Variants in SV2B observed in about 807,000 individuals in gnomAD.
The protein encoded by SV2B is synaptic vesicle glycoprotein 2B.
A neutral mutation model predicts 73.9 loss-of-function variants in SV2B; 41 were observed. That is an observed-to-expected ratio of 0.56 (90% confidence interval 0.43 to 0.72). The LOEUF (loss-of-function observed/expected upper bound fraction) is 0.72. Among genes scored for constraint, SV2B ranks in the 30% least tolerant of loss-of-function variants. SV2B has a pLI of 0.00. For missense variants in SV2B, 764 were observed against 857.8 expected (o/e 0.89, Z 1.37); for synonymous variants, 314 against 314.2 (o/e 1.00, Z 0.01).
chr15:91,263,165 CAGACACACAGACACAG>C (rs1415502479), intron 6 of SV2B, among the ~76,000 whole-genome samples: 8 of 151,498 alleles, frequency 5.3e-5, no homozygotes, highest in East Asian at 1.9e-4. Flanking sequence ...CACATGAACA[CAGACACACAGACACAG>C]AGACACACAG....
intron 9 of SV2B, among the ~76,000 whole-genome samples, chr15:91,273,442 G>T (rs1021999917): frequency 1.3e-5 from 2 of 152,212 alleles, no homozygotes; most frequent in African/African-American, 2.4e-5. Flanking sequence ...CATGGTTCTT[G>T]TGGAGCATCT....
rs925944126 is a variant in SV2B, at chr15:91,289,052, T to G, written c.1709-469T>G. Among the ~76,000 whole-genome samples, 9 of 152,228 alleles carry G rather than the reference T, an allele frequency of 5.9e-5. No individual in the cohort carries two copies. Among genetic ancestry groups the G allele is most frequent in the African/African-American group, 2.2e-4 (9 of 41,462 alleles). ...CTCATCTGTTGATGGCCACTTAGGT[T>G]GACTCCATATTTTGACTATTGTGAA... On this transcript the variant is annotated intron_variant, in intron 11 of 12. Transcript: ENST00000394232. The surrounding 1 kb of genome is among the most constrained non-coding windows in gnomAD (Gnocchi z 4.9).
chr15:91,118,463 G>A lies in SV2B; in HGVS notation c.-392+18100G>A, dbSNP rs1453127340. On this transcript the variant is annotated intron_variant, in intron 1 of 12. Transcript: ENST00000394232. This position sits in a 1 kb window ranked among gnomAD's most constrained non-coding sequence, Gnocchi z 4.7. ...CATTTTTTCCTTTGCATTCATTGAG[G>A]GCTTGGGAAGGTACAGAAAGCTCCA... 6.6e-6 allele frequency among the ~76,000 whole-genome samples: 1 copy of A among 152,212 alleles called. No homozygotes were observed. Among genetic ancestry groups the A allele is most frequent in the Non-Finnish European group, 1.5e-5 (1 of 68,044 alleles).
Position 91,231,216 on chromosome 15 carries a change from G to A in SV2B, c.451+4502G>A, listed in dbSNP as rs976226713. ...CTTACAAATGACATCACTGACAACG[G>A]ATTGCCATGTTTAGGAGTGCGGACT... On this transcript the variant is annotated intron_variant, in intron 2 of 12. Transcript: ENST00000394232. The surrounding 1 kb of genome is among the most constrained non-coding windows in gnomAD (Gnocchi z 4.5). Among the ~76,000 whole-genome samples the A allele has an allele frequency of 2.0e-5, 3 of 152,318 alleles. No individual in the cohort carries two copies. In the South Asian group the frequency reaches 6.2e-4, roughly 32 times the overall value.
chr15:91,182,196 T>G (rs770726118), intron 1 of SV2B, among the ~76,000 whole-genome samples: 8 of 152,144 alleles, frequency 5.3e-5, no homozygotes, highest in Non-Finnish European at 1.2e-4. Context: ...CTATGATTAA[T>G]TTAAATCAAG....
In SV2B at chr15:91,136,502, G is replaced by A. The variant is rs572297469; in HGVS notation, c.-392+36139G>A. On this transcript the variant is annotated intron_variant, in intron 1 of 12. Coordinates refer to ENST00000394232, the MANE Select transcript of SV2B (RefSeq NM_001323032.3). This position sits in a 1 kb window ranked among gnomAD's most constrained non-coding sequence, Gnocchi z 5.6. ...TCTCGGGTGCTTTGTCCCAGGGAGAGAACTGTGCGGCGGAGTAAGGCTCTT... is the reference window on the plus strand; with the variant it reads ...TCTCGGGTGCTTTGTCCCAGGGAGAAAACTGTGCGGCGGAGTAAGGCTCTT... Among the ~76,000 whole-genome samples, 39 of 152,336 alleles carry A rather than the reference G, an allele frequency of 2.6e-4. No homozygotes were observed. Among genetic ancestry groups the A allele is most frequent in the African/African-American group, 9.4e-4 (39 of 41,578 alleles).
intron 1 of SV2B, among the ~76,000 whole-genome samples, chr15:91,206,721 C>T (rs774167016): frequency 4.6e-5 from 7 of 152,108 alleles, no homozygotes; most frequent in Non-Finnish European, 8.8e-5. Flanking sequence ...CTGGTATACT[C>T]ATAGGATATA....
At chr15:91,135,492 A>G (rs1282471206) in intron 1 of SV2B, among the ~76,000 whole-genome samples, 1 of 152,166 alleles carries the variant, frequency 6.6e-6, no homozygotes, top group Non-Finnish European at 1.5e-5. Flanking sequence ...ATGGTACATT[A>G]TCTCTGATCA....
chr15:91,156,491 G>A (rs530761192), intron 1 of SV2B, among the ~76,000 whole-genome samples: 42 of 152,320 alleles, frequency 2.8e-4, no homozygotes, highest in African/African-American at 1.0e-3. Context: ...TAAACAAAAT[G>A]GCAGGTAGGA....
Position 91,301,765 on chromosome 15 carries a change from A to G in SV2B, c.*9213A>G, listed in dbSNP as rs1213029216. 6.6e-6 allele frequency among the ~76,000 whole-genome samples: 1 copy of G among 152,222 alleles called. No homozygotes were observed. ...AAAGATTTTGGGATATTGGCATTAT[A>G]CCTACCAGCTGAGCATCCCAAGTCT... On this transcript the variant is annotated 3_prime_UTR_variant, in exon 13 of 13. Transcript: ENST00000394232. The surrounding 1 kb of genome is among the most constrained non-coding windows in gnomAD (Gnocchi z 4.3).
intron 1 of SV2B, among the ~76,000 whole-genome samples, chr15:91,218,201 T>C (rs981423969): frequency 1.7e-4 from 26 of 152,150 alleles, no homozygotes; most frequent in African/African-American, 5.8e-4. Context: ...AGCAATATGA[T>C]TGGAGGACAA....
chr15:91,291,669 A>C (rs1279118601), intron 12 of SV2B, among the ~76,000 whole-genome samples: 2 of 152,220 alleles, frequency 1.3e-5, no homozygotes, highest in Non-Finnish European at 2.9e-5. Flanking sequence ...AAAAGTCTAG[A>C]GTGGGTGGTG....
At chr15:91,263,272 A>T (rs1320566140) in intron 6 of SV2B, among the ~76,000 whole-genome samples, 2 of 152,010 alleles carry the variant, frequency 1.3e-5, no homozygotes, top group East Asian at 3.9e-4. Context: ...ACACAGACAC[A>T]TGGACACACA....
At chr15:91,217,196 G>A (rs2141450379) in intron 1 of SV2B, among the ~76,000 whole-genome samples, 1 of 152,284 alleles carries the variant, frequency 6.6e-6, no homozygotes, top group South Asian at 2.1e-4. Flanking sequence ...TATTAACTGT[G>A]TTCATTAAGC....
rs2048939788 is a variant in SV2B, at chr15:91,288,628, T to C, written c.1709-893T>C. ...TTTCTTCTCCTTCCTCTCTCTCTCTTTCTCTCTTCTTTCTTTCTCTCTCTC... is the reference window on the plus strand; with the variant it reads ...TTTCTTCTCCTTCCTCTCTCTCTCTCTCTCTCTTCTTTCTTTCTCTCTCTC... On this transcript the variant is annotated intron_variant, in intron 11 of 12. Coordinates refer to ENST00000394232, the MANE Select transcript of SV2B (RefSeq NM_001323032.3). The surrounding 1 kb of genome is among the most constrained non-coding windows in gnomAD (Gnocchi z 5.8). Among the ~76,000 whole-genome samples, 12 of 151,618 alleles carry C rather than the reference T, an allele frequency of 7.9e-5. No homozygotes were observed. In the South Asian group the frequency reaches 2.1e-3, roughly 27 times the overall value.
chr15:91,283,573 C>G lies in SV2B; in HGVS notation c.1508-448C>G, dbSNP rs1377222440. 1.3e-5 allele frequency among the ~76,000 whole-genome samples: 2 copies of G among 152,024 alleles called. No homozygotes were observed. Among genetic ancestry groups the G allele is most frequent in the Non-Finnish European group, 2.9e-5 (2 of 68,006 alleles). On this transcript the variant is annotated intron_variant, in intron 10 of 12. Coordinates refer to ENST00000394232, the MANE Select transcript of SV2B (RefSeq NM_001323032.3). This position sits in a 1 kb window ranked among gnomAD's most constrained non-coding sequence, Gnocchi z 4.3. ...GCCTCAGGTGCCAGAGTAGCTGGGACTACAGGCACACACCACCCCACCTAG... is the reference window on the plus strand; with the variant it reads ...GCCTCAGGTGCCAGAGTAGCTGGGAGTACAGGCACACACCACCCCACCTAG...
At chr15:91,184,593 A>T (rs954464782) in intron 1 of SV2B, among the ~76,000 whole-genome samples, 2 of 151,860 alleles carry the variant, frequency 1.3e-5, no homozygotes, top group Non-Finnish European at 2.9e-5. Flanking sequence ...TCTATTCCCC[A>T]ATTTCTTTCT....
At chr15:91,228,908 G>A (rs916454360) in intron 2 of SV2B, among the ~76,000 whole-genome samples, 1 of 152,240 alleles carries the variant, frequency 6.6e-6, no homozygotes, top group Admixed American at 6.5e-5. Flanking sequence ...AATCTTCAGA[G>A]TCACCATGTC....
At position 91,267,215 on chromosome 15, in the gene SV2B, A is replaced by G. The variant is rs1248089694; in HGVS notation, c.1120-340A>G. Among the ~76,000 whole-genome samples the G allele has an allele frequency of 6.6e-6, 1 of 152,208 alleles. No homozygotes were observed. Among genetic ancestry groups the G allele is most frequent in the Non-Finnish European group, 1.5e-5 (1 of 68,034 alleles). On this transcript the variant is annotated intron_variant, in intron 7 of 12. Transcript: ENST00000394232. The surrounding 1 kb of genome is among the most constrained non-coding windows in gnomAD (Gnocchi z 4.3). ...TGGTGTATGGTCAGTAAATGTTTGC[A>G]ATATCCCCCTTGCCCACAGGCAGGG...
Sources: allele counts gnomAD v4.1 joint callset (sites outside exome capture counted in the v4.1 genomes callset), GRCh38; gene constraint gnomAD v4.1.1; non-coding constraint Gnocchi (gnomAD v3.1); transcripts MANE v1.5; gene names NCBI Gene and HGNC (gene_info 2026-07-23, HGNC 2026-07-21).